The following HDHD5 variants were observed in gnomAD, a reference collection of about 807,000 sequenced individuals.
The protein encoded by HDHD5 is haloacid dehalogenase-like hydrolase domain-containing 5.
Under a neutral mutation model 35.5 loss-of-function variants are expected in HDHD5, and 34 were observed. That is an observed-to-expected ratio of 0.96 (90% CI 0.73 to 1.28). HDHD5 has a LOEUF of 1.28. Ranked by LOEUF, HDHD5 falls within the 50% of genes most tolerant of loss-of-function variation. The pLI is 0.00. For missense variants in HDHD5, 589 were observed against 560.2 expected (o/e 1.05, Z -0.52); for synonymous variants, 248 against 240.6 (o/e 1.03, Z -0.29).
At position 17,157,076 on chromosome 22, in the gene HDHD5, T is replaced by TCACA. The variant is rs779244919; in HGVS notation, c.126+2046_126+2049dup. ...CCGGGCAACAGAGCTAGACACCGTC[T>TCACA]CACACACATACACACACACACACAC... On this transcript the variant is annotated intron_variant, in intron 1 of 7. Coordinates refer to ENST00000336737, the MANE Select transcript of HDHD5 (RefSeq NM_033070.3). Among the ~76,000 whole-genome samples the TCACA allele has an allele frequency of 1.4e-3, 78 of 56,168 alleles. 1 individual carries two copies. Among genetic ancestry groups the TCACA allele is most frequent in the South Asian group, 0.011 (19 of 1,662 alleles). The allele number at this position is 56,168 out of a possible 152,430, so 36.8% of individuals were successfully genotyped here. A position where few individuals can be genotyped will look rare whatever the true frequency, so the allele number is the denominator to read the frequency against.
intron 1 of HDHD5, among the ~76,000 whole-genome samples, chr22:17,157,271 C>CTTTTCT (rs1555881573): frequency 1.5e-5 from 2 of 136,696 alleles, no homozygotes; most frequent in Admixed American, 7.4e-5. Flanking sequence ...GGTTAATTTT[C>CTTTTCT]TTTTTTTTTT....
chr22:17,143,170 C>T, intron 4 of HDHD5, 39 bp from the exon 5 acceptor site: 1 of 1,598,102 alleles, frequency 6.3e-7, no homozygotes, highest in Non-Finnish European at 8.5e-7. Context: ...ACACAAGTCG[C>T]CTTCCACTCC....
chr22:17,160,503 G>A (rs1261727554), upstream of HDHD5, among the ~76,000 whole-genome samples: 1 of 151,972 alleles, frequency 6.6e-6, no homozygotes, highest in Non-Finnish European at 1.5e-5. Context: ...GCAAAAATTA[G>A]CCAGGCGCGG....
intron 5 of HDHD5, chr22:17,142,296 GGT>G (rs2061609011): frequency 2.0e-5 from 3 of 152,176 alleles, no homozygotes; most frequent in Admixed American, 1.3e-4. Flanking sequence ...TATCCACACA[GGT>G]GAACAACCTT....
chr22:17,159,491 G>A (rs1183270726), upstream of HDHD5: 1 of 487,342 alleles, frequency 2.1e-6, no homozygotes, highest in African/African-American at 2.0e-5. Flanking sequence ...TGGCCGCGGC[G>A]CACAATGGGC....
At chr22:17,143,325 G>A (rs2302522) in intron 4 of HDHD5, 194 bp from the exon 5 acceptor site, 13,822 of 538,686 alleles carry the variant, frequency 0.026, 552 homozygotes, top group East Asian at 0.16. Flanking sequence ...ACAATGGCCA[G>A]GTGGGGCCAC....
At chr22:17,163,272 G>A (rs185958851), upstream of HDHD5, among the ~76,000 whole-genome samples, 10 of 152,264 alleles carry the variant, frequency 6.6e-5, no homozygotes, top group Admixed American at 4.6e-4. Flanking sequence ...CCTTCTATGC[G>A]CTGACTTGCC....
intron 1 of HDHD5, chr22:17,165,114 C>T (rs1209237895): frequency 2.8e-6 from 2 of 716,092 alleles, no homozygotes; most frequent in Admixed American, 2.0e-5. Flanking sequence ...GGAAGGGATA[C>T]ATATTTCCTA....
At chr22:17,158,177 C>T (rs537398916) in intron 1 of HDHD5, among the ~76,000 whole-genome samples, 92 of 152,180 alleles carry the variant, frequency 6.0e-4, no homozygotes, top group African/African-American at 2.1e-3. Flanking sequence ...AAAAATTAGC[C>T]GGATGTGGTG....
At position 17,138,650 on chromosome 22, in the gene HDHD5, T is replaced by C. The variant is rs1568937634; in HGVS notation, c.835A>G (p.Lys279Glu). The C allele has an allele frequency of 1.2e-6, 2 of 1,614,270 alleles. No individual in the cohort carries two copies. The highest frequency in any genetic ancestry group is 1.1e-5 in the South Asian group (1 of 91,088). Residue 279 changes from lysine to glutamate, a missense_variant, in exon 7 of 8, where the codon AAA becomes GAA. Coordinates refer to ENST00000336737, the MANE Select transcript of HDHD5 (RefSeq NM_033070.3). ...TACTGGTAAGTGAGGATGCTGGGTT[T>C]GCCCATCAGGCCCTCGTATCTCAGC... ...KELRYEGLMG[K>E]PSILTYQYAE...
chr22:17,157,186 TA>T (rs1189702049), intron 1 of HDHD5, among the ~76,000 whole-genome samples: 1 of 152,062 alleles, frequency 6.6e-6, no homozygotes, highest in African/African-American at 2.4e-5. Context: ...TGTTGTGTTT[TA>T]AACTAAGTGC....
At chr22:17,140,926 G>GCAA in intron 6 of HDHD5, 133 bp downstream of exon 6, 1 of 733,006 alleles carries the variant, frequency 1.4e-6, no homozygotes. Context: ...GGTTACTGCA[G>GCAA]CAACAACAGG....
chr22:17,151,216 C>T (rs2061721210), intron 1 of HDHD5, among the ~76,000 whole-genome samples: 1 of 152,222 alleles, frequency 6.6e-6, no homozygotes, highest in Non-Finnish European at 1.5e-5. Flanking sequence ...TTTCTATCTG[C>T]ATTTCCTGGA....
chr22:17,162,741 G>C (rs2061871311), upstream of HDHD5, among the ~76,000 whole-genome samples: 1 of 152,190 alleles, frequency 6.6e-6, no homozygotes, highest in South Asian at 2.1e-4. Flanking sequence ...CACAGCTAAG[G>C]CTTGCCATGT....
At chr22:17,160,542 G>A (rs1360485338), upstream of HDHD5, among the ~76,000 whole-genome samples, 2 of 151,828 alleles carry the variant, frequency 1.3e-5, no homozygotes, top group African/African-American at 2.4e-5. Flanking sequence ...CCAGCTACTC[G>A]GGAGGCTGAG....
chr22:17,161,522 C>G (rs2061863779), upstream of HDHD5, among the ~76,000 whole-genome samples: 1 of 151,530 alleles, frequency 6.6e-6, no homozygotes, highest in South Asian at 2.1e-4. Context: ...TGAGATTGAG[C>G]CACTGCACTC....
intron 3 of HDHD5, among the ~76,000 whole-genome samples, chr22:17,147,988 G>A (rs912253535): frequency 6.6e-6 from 1 of 152,198 alleles, no homozygotes; most frequent in Non-Finnish European, 1.5e-5. Context: ...GCTTAAAACG[G>A]GCCAGGTATT....
chr22:17,137,934 A>C lies in HDHD5; in HGVS notation c.*87T>G, dbSNP rs2061551677. The stretch of plus-strand genomic sequence containing the variant: ...AGGGTGGCAAGGGAACCAAGCCCTG[A>C]CCTGAGCCCAGTGATCAGGCCAGAG... On this transcript the variant is annotated 3_prime_UTR_variant, in exon 8 of 8. Coordinates refer to ENST00000336737, the MANE Select transcript of HDHD5 (RefSeq NM_033070.3). 1 of 1,141,242 alleles carries C rather than the reference A, an allele frequency of 8.8e-7. No homozygotes were observed. Among genetic ancestry groups the C allele is most frequent in the Non-Finnish European group, 1.2e-6 (1 of 802,230 alleles). The allele number at this position is 1,141,242 out of a possible 1,614,324, so 70.7% of individuals were successfully genotyped here. A position where few individuals can be genotyped will look rare whatever the true frequency, so the allele number is the denominator to read the frequency against.
chr22:17,140,949 G>A, intron 6 of HDHD5, 110 bp downstream of exon 6: 1 of 992,728 alleles, frequency 1.0e-6, no homozygotes, highest in South Asian at 1.9e-5. Flanking sequence ...CTACCTAAGT[G>A]AGGTCCCGGC....
Sources: gnomAD v4.1 joint callset for allele counts (sites outside exome capture counted in the v4.1 genomes callset) on GRCh38, gnomAD v4.1.1 for gene constraint, MANE v1.5 for transcripts, NCBI Gene and HGNC (gene_info 2026-07-23, HGNC 2026-07-21) for gene names.